Variants in GRM8 observed in about 807,000 individuals in gnomAD.
GRM8 encodes metabotropic glutamate receptor 8.
A neutral mutation model predicts 87.2 loss-of-function variants in GRM8; 47 were observed. That is an observed-to-expected ratio of 0.54 (90% CI 0.43 to 0.69). The LOEUF (loss-of-function observed/expected upper bound fraction) is 0.69, where lower values mean the gene tolerates loss of function less well. Among genes scored for constraint, GRM8 ranks in the 30% least tolerant of loss-of-function variants. GRM8 has a pLI of 0.00. For synonymous variants in GRM8, 396 were observed against 404.5 expected, an observed-to-expected ratio of 0.98 and a Z score of 0.25; for missense variants, 1,019 against 1,139.2, an observed-to-expected ratio of 0.89 and a Z score of 1.52.
chr7:126,575,070 G>T (rs1794994473), intron 8 of GRM8, among the ~76,000 whole-genome samples: 1 of 152,110 alleles, frequency 6.6e-6, no homozygotes. Context: ...ATCCTCTAGG[G>T]CAGGGGTTCC....
intron 3 of GRM8, among the ~76,000 whole-genome samples, chr7:127,029,755 T>C (rs1056070434): frequency 1.3e-5 from 2 of 152,076 alleles, no homozygotes; most frequent in Non-Finnish European, 2.9e-5. Context: ...GTCTCCTGAA[T>C]ACAGCACACC....
At chr7:126,472,247 G>A (rs1210191633) in intron 9 of GRM8, among the ~76,000 whole-genome samples, 1 of 152,094 alleles carries the variant, frequency 6.6e-6, no homozygotes, top group Non-Finnish European at 1.5e-5. Context: ...GGTGAGAGAG[G>A]GCATCCCTGT....
rs28951078 is a variant in GRM8 at position 126,985,818 on chromosome 7, C to T, written c.728-81135G>A. Among the ~76,000 whole-genome samples, 1,387 of 152,300 alleles carry T rather than the reference C, an allele frequency of 9.1e-3. 22 individuals are homozygous for T. The highest frequency in any genetic ancestry group is 0.023 in the African/African-American group (959 of 41,566). On this transcript the variant is annotated intron_variant, in intron 3 of 10. Transcript: ENST00000339582. ...AAAGGCAGGTTCCTCACTATCCAAT[C>T]ACATCTTAAAGGCCCCACCTCTCAA... is the stretch of plus-strand genomic sequence containing the variant.
chr7:126,773,769 G>A (rs1176300855), intron 6 of GRM8, among the ~76,000 whole-genome samples: 1 of 152,096 alleles, frequency 6.6e-6, no homozygotes, highest in African/African-American at 2.4e-5. Flanking sequence ...GCTGAGGTGG[G>A]AGGATTGCTT....
At chr7:126,874,568 A>G (rs1799380961) in intron 6 of GRM8, among the ~76,000 whole-genome samples, 1 of 152,046 alleles carries the variant, frequency 6.6e-6, no homozygotes, top group Admixed American at 6.6e-5. Context: ...ATCTCATTTA[A>G]TCCTCAACAC....
At chr7:126,660,506 A>G (rs1374500879) in intron 7 of GRM8, among the ~76,000 whole-genome samples, 1 of 152,202 alleles carries the variant, frequency 6.6e-6, no homozygotes, top group Non-Finnish European at 1.5e-5. Context: ...TTTGAATAAA[A>G]CATATTGTGT....
intron 2 of GRM8, among the ~76,000 whole-genome samples, chr7:127,205,892 G>A (rs1288037433): frequency 6.6e-6 from 1 of 151,882 alleles, no homozygotes; most frequent in African/African-American, 2.4e-5. Flanking sequence ...CACAAAATAG[G>A]TTCCTCTTTT....
intron 6 of GRM8, among the ~76,000 whole-genome samples, chr7:126,867,068 G>A (rs1048956219): frequency 3.9e-5 from 6 of 152,064 alleles, no homozygotes; most frequent in South Asian, 2.1e-4. Flanking sequence ...CTGATACTTC[G>A]ATCTCTTTAA....
chr7:126,901,107 C>A (rs1423806029), intron 6 of GRM8, among the ~76,000 whole-genome samples: 1 of 152,128 alleles, frequency 6.6e-6, no homozygotes, highest in Non-Finnish European at 1.5e-5. Context: ...CGCTTCCTCT[C>A]GCGATATTCA....
chr7:126,485,661 A>G (rs976121561), intron 9 of GRM8, among the ~76,000 whole-genome samples: 4 of 152,006 alleles, frequency 2.6e-5, no homozygotes, highest in Non-Finnish European at 5.9e-5. Flanking sequence ...TGAAGACTAA[A>G]AAATCTTCAG....
intron 3 of GRM8, among the ~76,000 whole-genome samples, chr7:126,926,254 T>C (rs1805106002): frequency 6.6e-6 from 1 of 152,210 alleles, no homozygotes; most frequent in Non-Finnish European, 1.5e-5. Flanking sequence ...TGTAAAAGAC[T>C]ATAGATATTA....
chr7:126,678,998 C>T lies in GRM8; in HGVS notation c.1358-69500G>A, dbSNP rs796401641. 1.5e-4 allele frequency among the ~76,000 whole-genome samples: 23 copies of T among 152,352 alleles called. 1 individual carries two copies. The highest frequency in any genetic ancestry group is 5.5e-4 in the African/African-American group (23 of 41,584). On this transcript the variant is annotated intron_variant, in intron 7 of 10. Transcript: ENST00000339582. ...CCTTTATCTAATCCCATTTTTCCTT[C>T]AAGCTCCTCAGGCTTCTGCCAACAA... is the stretch of plus-strand genomic sequence containing the variant.
chr7:126,657,052 T>G (rs1804607428), intron 7 of GRM8, among the ~76,000 whole-genome samples: 1 of 152,234 alleles, frequency 6.6e-6, no homozygotes, highest in African/African-American at 2.4e-5. Context: ...CAATGGTTTC[T>G]ATTATTTATT....
chr7:127,178,008 A>G (rs891357211), intron 2 of GRM8, among the ~76,000 whole-genome samples: 2 of 152,182 alleles, frequency 1.3e-5, no homozygotes, highest in African/African-American at 4.8e-5. Context: ...TAAATCCCTG[A>G]TTTACCTGAA....
intron 7 of GRM8, among the ~76,000 whole-genome samples, chr7:126,676,230 CACAA>C (rs1806944452): frequency 6.6e-6 from 1 of 152,058 alleles, no homozygotes; most frequent in South Asian, 2.1e-4. Flanking sequence ...AAATAAATCA[CACAA>C]ACACATGGAA....
At chr7:127,165,081 GC>G (rs537968008) in intron 2 of GRM8, among the ~76,000 whole-genome samples, 165 of 139,282 alleles carry the variant, frequency 1.2e-3, no homozygotes, top group African/African-American at 4.4e-3. Flanking sequence ...AAAACATAAA[GC>G]CCCTGCCCTC....
chr7:126,879,721 T>C (rs1229451821), intron 6 of GRM8, among the ~76,000 whole-genome samples: 1 of 152,246 alleles, frequency 6.6e-6, no homozygotes, highest in African/African-American at 2.4e-5. Context: ...TTTTCTTCTT[T>C]ATTATACTAA....
At chr7:126,996,405 C>G (rs1813177453) in intron 3 of GRM8, among the ~76,000 whole-genome samples, 1 of 151,836 alleles carries the variant, frequency 6.6e-6, no homozygotes, top group Non-Finnish European at 1.5e-5. Context: ...AAGACACAAA[C>G]AGTACAACAA....
rs780669087 is a variant in GRM8 at position 126,446,392 on chromosome 7, A to G, written c.2431-20T>C. 1 of 1,537,420 alleles carries G rather than the reference A, an allele frequency of 6.5e-7. No individual in the cohort carries two copies. Among genetic ancestry groups the G allele is most frequent in the Non-Finnish European group, 8.9e-7 (1 of 1,124,518 alleles). ...GTACATCTGAGGGAAGAAAAAAAAAAGAATCACTGTTGGTAAGCCTAACAG... is the reference window on the plus strand; with the variant it reads ...GTACATCTGAGGGAAGAAAAAAAAAGGAATCACTGTTGGTAAGCCTAACAG... On this transcript the variant is annotated intron_variant, in intron 9 of 10. Coordinates refer to ENST00000339582, the MANE Select transcript of GRM8 (RefSeq NM_000845.3).
Sources: allele counts gnomAD v4.1 joint callset (sites outside exome capture counted in the v4.1 genomes callset), GRCh38; gene constraint gnomAD v4.1.1; transcripts MANE v1.5; gene names NCBI Gene and HGNC (gene_info 2026-07-23, HGNC 2026-07-21).